DCLK1: variants seen among roughly 807,000 people sequenced by gnomAD.
DCLK1 encodes serine/threonine-protein kinase DCLK1.
DCLK1 carries 16 observed loss-of-function variants against 86.2 expected under a neutral mutation model. The ratio of observed to expected loss-of-function variants is 0.19; its 90% CI spans 0.13 to 0.28. The LOEUF (loss-of-function observed/expected upper bound fraction) is 0.28, where lower values mean the gene tolerates loss of function less well. Among genes scored for constraint, DCLK1 ranks in the 10% least tolerant of loss-of-function variants. The pLI is 1.00. For missense variants in DCLK1, 590 were observed against 940.2 expected, an observed-to-expected ratio of 0.63 and a Z score of 4.87; for synonymous variants, 369 against 370.5, an observed-to-expected ratio of 1.00 and a Z score of 0.05.
At chr13:36,031,820 G>T (rs1177843939) in intron 3 of DCLK1, among the ~76,000 whole-genome samples, 3 of 152,180 alleles carry the variant, frequency 2.0e-5, no homozygotes, top group African/African-American at 7.2e-5. Flanking sequence ...TGCTTTGCAC[G>T]TGGCTTCTAC....
At chr13:36,067,962 C>T (rs1171542007) in intron 3 of DCLK1, among the ~76,000 whole-genome samples, 2 of 152,126 alleles carry the variant, frequency 1.3e-5, no homozygotes, top group African/African-American at 4.8e-5. Flanking sequence ...TACTGGTCTA[C>T]ATATTAGGGA....
intron 4 of DCLK1, among the ~76,000 whole-genome samples, chr13:35,914,550 C>G (rs1045773868): frequency 2.0e-5 from 3 of 150,590 alleles, no homozygotes; most frequent in Admixed American, 2.0e-4. Flanking sequence ...GACCCTGTCT[C>G]TACTAAAAAT....
intron 5 of DCLK1, among the ~76,000 whole-genome samples, chr13:35,862,336 C>G (rs1566573931): frequency 6.6e-6 from 1 of 152,168 alleles, no homozygotes; most frequent in Non-Finnish European, 1.5e-5. Flanking sequence ...TATCTCTGAT[C>G]CCTCTCTCTT....
chr13:36,024,184 G>A (rs1016446858), intron 3 of DCLK1, among the ~76,000 whole-genome samples: 2 of 151,662 alleles, frequency 1.3e-5, no homozygotes, highest in South Asian at 2.1e-4. Flanking sequence ...ATGAGCCACC[G>A]TGCCTGGCCT....
At chr13:35,963,650 C>A (rs1001391788) in intron 3 of DCLK1, among the ~76,000 whole-genome samples, 1 of 152,162 alleles carries the variant, frequency 6.6e-6, no homozygotes, top group Non-Finnish European at 1.5e-5. Flanking sequence ...GAATGGTAAT[C>A]TTCAGGTGTT....
chr13:35,956,538 C>G (rs1482727846), intron 3 of DCLK1, among the ~76,000 whole-genome samples: 1 of 151,748 alleles, frequency 6.6e-6, no homozygotes, highest in Non-Finnish European at 1.5e-5. Flanking sequence ...GAACATATGG[C>G]TGGTTCTCTG....
intron 3 of DCLK1, among the ~76,000 whole-genome samples, chr13:36,023,176 T>A (rs959130898): frequency 1.3e-5 from 2 of 152,218 alleles, no homozygotes; most frequent in African/African-American, 4.8e-5. Context: ...TGTGCATAGA[T>A]AGTTGGTTCA....
intron 3 of DCLK1, among the ~76,000 whole-genome samples, chr13:36,014,077 G>A (rs1200445335): frequency 2.6e-5 from 4 of 152,192 alleles, no homozygotes. Flanking sequence ...CGCGCACGGT[G>A]CGCGCACCCA....
chr13:36,040,597 T>C (rs1882668873), intron 3 of DCLK1, among the ~76,000 whole-genome samples: 1 of 151,846 alleles, frequency 6.6e-6, no homozygotes, highest in Non-Finnish European at 1.5e-5. Context: ...ACTGTGAAGT[T>C]AATCTTTTAT....
At chr13:36,027,264 A>G (rs988911219) in intron 3 of DCLK1, among the ~76,000 whole-genome samples, 6 of 152,306 alleles carry the variant, frequency 3.9e-5, no homozygotes, top group African/African-American at 7.2e-5. Context: ...AGGAGCACTC[A>G]ACCTAGATCC....
chr13:35,930,237 A>T (rs2153128753), intron 4 of DCLK1, among the ~76,000 whole-genome samples: 1 of 152,346 alleles, frequency 6.6e-6, no homozygotes, highest in South Asian at 2.1e-4. Flanking sequence ...CTTGACATGC[A>T]GTAGGCTCTT....
chr13:35,769,150 G>C lies in DCLK1; in HGVS notation c.*5385C>G, dbSNP rs1030284902. 2.0e-5 allele frequency: 3 copies of C among 152,102 alleles called. No individual in the cohort carries two copies. The highest frequency in any genetic ancestry group is 7.2e-5 in the African/African-American group (3 of 41,408). 9.4% of individuals were successfully genotyped at this position (152,102 alleles called of 1,614,324 possible). A position where few individuals can be genotyped will look rare whatever the true frequency, so the allele number is the denominator to read the frequency against. On this transcript the variant is annotated 3_prime_UTR_variant, in exon 17 of 17. Coordinates refer to ENST00000360631, the MANE Select transcript of DCLK1 (RefSeq NM_001330071.2). ...AACTGAAGGATTAGGGGGAAAAATT[G>C]GATCTCATTCCACCTTTAATTAAGG...
chr13:35,962,143 G>T (rs1878494195), intron 3 of DCLK1, among the ~76,000 whole-genome samples: 1 of 152,178 alleles, frequency 6.6e-6, no homozygotes, highest in African/African-American at 2.4e-5. Flanking sequence ...TCAGTGAAGG[G>T]TGTTGCTGTG....
chr13:35,819,911 T>C lies in DCLK1; in HGVS notation c.1554+2818A>G, dbSNP rs1237819586. Among the ~76,000 whole-genome samples, 3 of 152,230 alleles carry C rather than the reference T, an allele frequency of 2.0e-5. No homozygotes were observed. The East Asian group carries it at 5.8e-4, about 29-fold the overall frequency. ...ATTTTCAAAAGAAAATTAATAGTTA[T>C]GTTATCTTCATCAAATCCCCTTAAA... On this transcript the variant is annotated intron_variant, in intron 11 of 16. Coordinates refer to ENST00000360631, the MANE Select transcript of DCLK1 (RefSeq NM_001330071.2).
At chr13:35,930,024 C>T (rs185914998) in intron 4 of DCLK1, among the ~76,000 whole-genome samples, 36 of 152,126 alleles carry the variant, frequency 2.4e-4, no homozygotes, top group Admixed American at 5.9e-4. Context: ...ATAAAGACAG[C>T]CTATATACAC....
intron 3 of DCLK1, among the ~76,000 whole-genome samples, chr13:35,988,104 G>A (rs1189278600): frequency 6.6e-6 from 1 of 152,096 alleles, no homozygotes; most frequent in East Asian, 1.9e-4. Context: ...AGTCCTGATG[G>A]GGCTGGAAGA....
chr13:35,875,194 C>A (rs1488137731), intron 4 of DCLK1, among the ~76,000 whole-genome samples: 1 of 152,130 alleles, frequency 6.6e-6, no homozygotes, highest in Non-Finnish European at 1.5e-5. Context: ...AAATAAAAAT[C>A]AAGATGATCA....
chr13:35,870,432 G>C (rs1283762042), intron 5 of DCLK1, among the ~76,000 whole-genome samples: 3 of 151,940 alleles, frequency 2.0e-5, no homozygotes, highest in Non-Finnish European at 4.4e-5. Flanking sequence ...TTGAGTAAAA[G>C]AAGGCCCCCA....
At chr13:36,018,671 A>G (rs1457018288) in intron 3 of DCLK1, among the ~76,000 whole-genome samples, 3 of 152,178 alleles carry the variant, frequency 2.0e-5, no homozygotes, top group Non-Finnish European at 4.4e-5. Flanking sequence ...TTTCTCATGG[A>G]TAATTATTTA....
Sources: gnomAD v4.1 joint callset for allele counts (sites outside exome capture counted in the v4.1 genomes callset) on GRCh38, gnomAD v4.1.1 for gene constraint, MANE v1.5 for transcripts, NCBI Gene and HGNC (gene_info 2026-07-23, HGNC 2026-07-21) for gene names.